Variants in PIR observed in about 807,000 individuals in gnomAD.
PIR encodes the protein pirin (iron-binding nuclear protein).
PIR carries 22 observed loss-of-function variants against 24.2 expected under a neutral mutation model. That is an observed-to-expected ratio of 0.91 (90% CI 0.65 to 1.30). PIR has a LOEUF of 1.30. PIR is among the 50% of genes most tolerant of loss of function. PIR has a pLI of 0.00. For missense variants in PIR, 220 were observed against 220.3 expected, an observed-to-expected ratio of 1.00 and a Z score of 0.01; for synonymous variants, 80 against 79.6, an observed-to-expected ratio of 1.00 and a Z score of -0.03.
chrX:15,445,820 C>CTTTTTTT (rs1192838504), intron 5 of PIR, among the ~76,000 whole-genome samples: 1 of 64,923 alleles, frequency 1.5e-5, no homozygotes, highest in Non-Finnish European at 2.9e-5. Flanking sequence ...CAAGATATTT[C>CTTTTTTT]TTTTTTTTTT....
chrX:15,422,015 T>C (rs1198256199), intron 6 of PIR, among the ~76,000 whole-genome samples: 1 of 111,112 alleles, frequency 9.0e-6, no homozygotes, highest in East Asian at 2.8e-4. Flanking sequence ...TCAATAAATG[T>C]GACACATCAC....
intron 1 of PIR, 111 bp downstream of exon 1, chrX:15,493,079 C>T (rs1459546681): frequency 8.9e-6 from 1 of 112,753 alleles, no homozygotes; most frequent in Non-Finnish European, 1.9e-5. Context: ...TTAAGTATCT[C>T]TTGTTATCTC....
intron 3 of PIR, among the ~76,000 whole-genome samples, chrX:15,476,520 A>G (rs1406253069): frequency 1.8e-5 from 2 of 111,344 alleles, no homozygotes; most frequent in Non-Finnish European, 3.8e-5. Context: ...TTTGTATTCA[A>G]AAGTTTACCT....
At chrX:15,392,892 T>A (rs1045489148) in intron 8 of PIR, among the ~76,000 whole-genome samples, 1 of 112,310 alleles carries the variant, frequency 8.9e-6, no homozygotes, top group Non-Finnish European at 1.9e-5. Context: ...CTAATCATCT[T>A]TCCAGATATT....
intron 5 of PIR, among the ~76,000 whole-genome samples, chrX:15,441,566 T>C (rs1272723841): frequency 9.0e-6 from 1 of 110,820 alleles, no homozygotes; most frequent in Non-Finnish European, 1.9e-5. Flanking sequence ...AATATGTTAA[T>C]AGAAAAAAAA....
chrX:15,433,544 GAGAGAGA>G (rs1925590878), intron 5 of PIR, among the ~76,000 whole-genome samples: 1 of 58,729 alleles, frequency 1.7e-5, no homozygotes, highest in Non-Finnish European at 3.0e-5. Flanking sequence ...AAGAAAGAAA[GAGAGAGA>G]AAGAAAGAAA....
rs1183496771 is a variant in PIR at position 15,440,072 on chromosome X, T to C, written c.481-14082A>G. On this transcript the variant is annotated intron_variant, in intron 5 of 9. Transcript: ENST00000380420. ...TATATTCCATGGCACAGGGTCATCA[T>C]ACATCCATGGGCACCCCTCTTGCTT... 7.2e-5 allele frequency among the ~76,000 whole-genome samples: 8 copies of C among 111,069 alleles called. No individual in the cohort carries two copies. In the East Asian group the frequency reaches 2.0e-3, roughly 28 times the overall value.
chrX:15,410,200 G>A (rs1285725573), intron 6 of PIR, among the ~76,000 whole-genome samples: 1 of 110,698 alleles, frequency 9.0e-6, no homozygotes, highest in African/African-American at 3.3e-5. Flanking sequence ...GCAGTGAGCC[G>A]AGATCTCGCC....
chrX:15,427,688 G>GTACA (rs2147033451), intron 5 of PIR, among the ~76,000 whole-genome samples: 1 of 105,604 alleles, frequency 9.5e-6, no homozygotes, highest in South Asian at 4.1e-4. Flanking sequence ...TGTACTGACA[G>GTACA]TACATACACA....
chrX:15,493,060 T>C (rs1923242922), intron 1 of PIR, 130 bp downstream of exon 1: 2 of 112,552 alleles, frequency 1.8e-5, no homozygotes, highest in African/African-American at 3.2e-5. Flanking sequence ...CCAAATTTCG[T>C]AGTACAATTT....
At chrX:15,443,521 A>G (rs1925989285) in intron 5 of PIR, among the ~76,000 whole-genome samples, 2 of 111,623 alleles carry the variant, frequency 1.8e-5, no homozygotes, top group African/African-American at 6.5e-5. Context: ...TCAATAATTT[A>G]ATTGATATTA....
At chrX:15,475,906 A>G (rs1176725333) in intron 3 of PIR, among the ~76,000 whole-genome samples, 1 of 112,301 alleles carries the variant, frequency 8.9e-6, no homozygotes, top group African/African-American at 3.2e-5. Flanking sequence ...ACGCCTTCTC[A>G]ATTTTCAGGC....
At chrX:15,431,996 A>G (rs1328609657) in intron 5 of PIR, among the ~76,000 whole-genome samples, 1 of 110,539 alleles carries the variant, frequency 9.0e-6, no homozygotes, top group East Asian at 2.8e-4. Flanking sequence ...TTTAAATTTG[A>G]CTATTAGTTT....
intron 8 of PIR, among the ~76,000 whole-genome samples, chrX:15,392,704 A>T (rs187559615): frequency 8.9e-6 from 1 of 112,086 alleles, no homozygotes; most frequent in Non-Finnish European, 1.9e-5. Context: ...TTTTTAAATC[A>T]AAGCTGATGT....
chrX:15,456,148 C>T (rs1206775942), intron 4 of PIR, 94 bp from the exon 5 acceptor site: 9 of 701,666 alleles, frequency 1.3e-5, no homozygotes, highest in Non-Finnish European at 2.0e-5. Flanking sequence ...AGTGAGACAT[C>T]TTACCAGTGC....
chrX:15,451,311 A>G (rs1478940344), intron 5 of PIR, among the ~76,000 whole-genome samples: 1 of 110,696 alleles, frequency 9.0e-6, no homozygotes, highest in Non-Finnish European at 1.9e-5. Context: ...GGGAACCACA[A>G]GCCTCTGAAC....
At chrX:15,425,599 A>T (rs1446960078) in intron 6 of PIR, among the ~76,000 whole-genome samples, 36 of 108,814 alleles carry the variant, frequency 3.3e-4, no homozygotes, top group African/African-American at 9.7e-4. Flanking sequence ...TTTAGTAGAG[A>T]CGGGGTTTCA....
In PIR at chrX:15,394,602, A is replaced by C. The variant is rs1277205285; in HGVS notation, c.693+2847T>G. ...GCCTAAGGGTGAGATGGAGCCTTTCATATCAAACTCTAGTACTCCTGATCG... is the reference window on the plus strand; with the variant it reads ...GCCTAAGGGTGAGATGGAGCCTTTCCTATCAAACTCTAGTACTCCTGATCG... On this transcript the variant is annotated intron_variant, in intron 8 of 9. Transcript: ENST00000380420. Among the ~76,000 whole-genome samples, 3 of 111,469 alleles carry C rather than the reference A, an allele frequency of 2.7e-5. No individual in the cohort carries two copies. The East Asian group carries it at 8.4e-4, about 31-fold the overall frequency.
At chrX:15,398,665 GGAGGGTGTGTGTGT>G (rs1260274471) in intron 7 of PIR, among the ~76,000 whole-genome samples, 1 of 36,362 alleles carries the variant, frequency 2.8e-5, no homozygotes, top group African/African-American at 7.7e-5. Context: ...CCTTGAGGAG[GGAGGGTGTGTGTGT>G]GTGTGTGTGT....
Sources: gnomAD v4.1 joint callset for allele counts (sites outside exome capture counted in the v4.1 genomes callset) on GRCh38, gnomAD v4.1.1 for gene constraint, MANE v1.5 for transcripts, NCBI Gene and HGNC (gene_info 2026-07-23, HGNC 2026-07-21) for gene names.